MSRA: variants seen among roughly 807,000 people sequenced by gnomAD.
The protein encoded by MSRA is methionine sulfoxide reductase A.
A neutral mutation model predicts 31.3 loss-of-function variants in MSRA; 54 were observed. The observed-to-expected ratio is 1.73, with a 90% CI of 1.39 to 2.17. MSRA has a LOEUF of 2.17. MSRA is among the 30% of genes most tolerant of loss of function. The probability of loss-of-function intolerance (pLI) is 0.00; values close to 1 mark genes in which losing one functional copy is unlikely to be tolerated. For synonymous variants in MSRA, 169 were observed against 116.5 expected (o/e 1.45, Z -2.90); for missense variants, 507 against 300.9 (o/e 1.69, Z -5.07).
chr8:10,055,215 TC>T (rs1341777095), intron 1 of MSRA, among the ~76,000 whole-genome samples: 1 of 152,138 alleles, frequency 6.6e-6, no homozygotes, highest in African/African-American at 2.4e-5. Flanking sequence ...GGCCCCGCTG[TC>T]CCCAGGGGCA....
intron 1 of MSRA, among the ~76,000 whole-genome samples, chr8:10,121,779 T>C (rs1801125711): frequency 6.6e-6 from 1 of 151,798 alleles, no homozygotes; most frequent in African/African-American, 2.4e-5. Flanking sequence ...CAAGCGATCC[T>C]CCCACCTCAG....
chr8:10,399,684 G>A (rs1471483100), intron 5 of MSRA, among the ~76,000 whole-genome samples: 2 of 152,126 alleles, frequency 1.3e-5, no homozygotes, highest in African/African-American at 4.8e-5. Flanking sequence ...CACAAAAATG[G>A]CCTAAAACAA....
chr8:10,091,026 G>A (rs970132109), intron 1 of MSRA, among the ~76,000 whole-genome samples: 1 of 152,168 alleles, frequency 6.6e-6, no homozygotes, highest in Non-Finnish European at 1.5e-5. Flanking sequence ...CCTTTTCTGT[G>A]TAGAGATGAT....
At chr8:10,124,381 TTTC>T (rs1378887740) in intron 1 of MSRA, among the ~76,000 whole-genome samples, 1 of 152,174 alleles carries the variant, frequency 6.6e-6, no homozygotes, top group Non-Finnish European at 1.5e-5. Flanking sequence ...CCCTGTATGA[TTTC>T]TTTGGGGCAA....
intron 1 of MSRA, among the ~76,000 whole-genome samples, chr8:10,176,097 A>G (rs1452004902): frequency 6.6e-6 from 1 of 152,182 alleles, no homozygotes; most frequent in African/African-American, 2.4e-5. Context: ...GACCTATTAG[A>G]TCTGTAATAA....
intron 2 of MSRA, among the ~76,000 whole-genome samples, chr8:10,235,051 A>C (rs961438821): frequency 6.6e-6 from 1 of 152,142 alleles, no homozygotes; most frequent in Non-Finnish European, 1.5e-5. Flanking sequence ...TGATTTACAT[A>C]ACAAATTGAT....
chr8:10,362,641 G>T (rs1456548452), intron 5 of MSRA, among the ~76,000 whole-genome samples: 1 of 151,900 alleles, frequency 6.6e-6, no homozygotes, highest in African/African-American at 2.4e-5. Context: ...AGGGAGACCC[G>T]TTGTCCCTGC....
At chr8:10,349,463 G>C (rs375816328) in intron 5 of MSRA, among the ~76,000 whole-genome samples, 1 of 152,096 alleles carries the variant, frequency 6.6e-6, no homozygotes, top group Non-Finnish European at 1.5e-5. Flanking sequence ...TGACTCTTCT[G>C]TGAGGCCACC....
At chr8:10,118,571 C>G (rs1432177225) in intron 1 of MSRA, among the ~76,000 whole-genome samples, 1 of 152,100 alleles carries the variant, frequency 6.6e-6, no homozygotes, top group African/African-American at 2.4e-5. Flanking sequence ...AGAACCTGAC[C>G]CCAAGCCATC....
intron 3 of MSRA, among the ~76,000 whole-genome samples, chr8:10,286,888 C>T (rs984229509): frequency 4.6e-5 from 7 of 152,214 alleles, no homozygotes; most frequent in African/African-American, 1.7e-4. Flanking sequence ...TGTGCACACA[C>T]GTGTATAATG....
chr8:10,110,911 C>A (rs1800230846), intron 1 of MSRA, among the ~76,000 whole-genome samples: 1 of 152,206 alleles, frequency 6.6e-6, no homozygotes, highest in African/African-American at 2.4e-5. Context: ...GGTTCAGTTA[C>A]ATGGTTTTTC....
Position 10,301,607 on chromosome 8 carries a change from G to C in MSRA, c.405G>C (p.Lys135Asn), listed in dbSNP as rs755979804. 1.2e-6 allele frequency: 2 copies of C among 1,614,112 alleles called. No individual in the cohort carries two copies. The highest frequency in any genetic ancestry group is 1.7e-6 in the Non-Finnish European group (2 of 1,180,002). Residue 135 changes from lysine to asparagine, a missense_variant, in exon 4 of 6, where the codon AAG (lysine) becomes AAC (asparagine). Coordinates refer to ENST00000317173, the MANE Select transcript of MSRA (RefSeq NM_012331.5). ...ACATGAGTTTTGAGGAACTGCTCAAGGTCTTCTGGGAGAATCACGACCCGA... is the reference window on the plus strand; with the variant it reads ...ACATGAGTTTTGAGGAACTGCTCAACGTCTTCTGGGAGAATCACGACCCGA... ...PEHMSFEELL[K>N]VFWENHDPTQ...
chr8:10,176,685 C>T (rs1806080968), intron 1 of MSRA, among the ~76,000 whole-genome samples: 1 of 152,210 alleles, frequency 6.6e-6, no homozygotes, highest in Non-Finnish European at 1.5e-5. Flanking sequence ...TGTGCAAAGG[C>T]CATCCTCTTT....
chr8:10,193,342 G>A (rs1807688850), intron 1 of MSRA, among the ~76,000 whole-genome samples: 1 of 152,240 alleles, frequency 6.6e-6, no homozygotes, highest in Admixed American at 6.5e-5. Flanking sequence ...GCAGGCTCCA[G>A]AGTGGGTTCA....
chr8:10,068,002 G>C (rs914258573), intron 1 of MSRA, among the ~76,000 whole-genome samples: 3 of 147,544 alleles, frequency 2.0e-5, no homozygotes, highest in Admixed American at 7.1e-5. Flanking sequence ...TCATGCGTCA[G>C]CTTCCTGGGT....
intron 1 of MSRA, among the ~76,000 whole-genome samples, chr8:10,101,746 C>T (rs533202721): frequency 5.9e-5 from 9 of 152,304 alleles, no homozygotes; most frequent in African/African-American, 1.9e-4. Flanking sequence ...GAATAATACT[C>T]TATTGTATGG....
At chr8:10,305,208 T>A (rs1801061434) in intron 4 of MSRA, among the ~76,000 whole-genome samples, 1 of 152,288 alleles carries the variant, frequency 6.6e-6, no homozygotes, top group African/African-American at 2.4e-5. Flanking sequence ...ATGTGGAGAT[T>A]CTTGCTGATG....
At chr8:10,258,177 T>C (rs1287669582) in intron 3 of MSRA, among the ~76,000 whole-genome samples, 2 of 152,106 alleles carry the variant, frequency 1.3e-5, no homozygotes. Context: ...CCCCCATAAT[T>C]AGTAAGCGGC....
intron 5 of MSRA, among the ~76,000 whole-genome samples, chr8:10,370,935 C>T (rs568386738): frequency 6.6e-6 from 1 of 152,290 alleles, no homozygotes; most frequent in South Asian, 2.1e-4. Flanking sequence ...CTGTCACACA[C>T]GCTCGTGGGC....
Sources: allele counts gnomAD v4.1 joint callset (sites outside exome capture counted in the v4.1 genomes callset), GRCh38; gene constraint gnomAD v4.1.1; transcripts MANE v1.5; gene names NCBI Gene and HGNC (gene_info 2026-07-23, HGNC 2026-07-21).